NBPF12: variants seen among roughly 807,000 people sequenced by gnomAD.
NBPF12 encodes NBPF family member NBPF12.
Under a neutral mutation model 146.4 loss-of-function variants are expected in NBPF12, and 115 were observed. The observed-to-expected ratio is 0.79, with a 90% CI of 0.68 to 0.92. The LOEUF is 0.92. NBPF12 is among the 40% of genes least tolerant of loss of function. The pLI is 0.00. For missense variants in NBPF12, 1,205 were observed against 1,326.8 expected (o/e 0.91, Z 1.43); for synonymous variants, 385 against 508.9 (o/e 0.76, Z 3.28).
At chr1:146,962,135 G>C in intron 4 of NBPF12, 26 bp from the exon 8 acceptor site, 1 of 1,607,030 alleles carries the variant, frequency 6.2e-7, no homozygotes, top group African/African-American at 1.3e-5. Context: ...CTTCCACTGA[G>C]GCAGGCGTGT....
chr1:146,971,529 C>G, intron 13 of NBPF12, 135 bp downstream of exon 16: 1 of 766,804 alleles, frequency 1.3e-6, no homozygotes, highest in East Asian at 2.8e-5. Flanking sequence ...GTGACTCACA[C>G]ATATAATCAC....
chr1:146,945,137 T>C (rs1425167645), upstream of NBPF12, among the ~76,000 whole-genome samples: 1 of 150,528 alleles, frequency 6.6e-6, no homozygotes, highest in Non-Finnish European at 1.5e-5. Flanking sequence ...CTTTTCTTTT[T>C]CTTTCTCTCT....
chr1:146,981,214 G>A (rs1465322283), intron 19 of NBPF12, among the ~76,000 whole-genome samples: 2 of 136,196 alleles, frequency 1.5e-5, no homozygotes, highest in Non-Finnish European at 3.1e-5. Context: ...ACACCAATGT[G>A]GACATGTATA....
Position 146,963,036 on chromosome 1 carries a change from A to G in NBPF12, c.279-59A>G, listed in dbSNP as rs1655962475. 18 of 1,604,514 alleles carry G rather than the reference A, an allele frequency of 1.1e-5. No homozygotes were observed. The Admixed American group carries it at 2.0e-4, about 18-fold the overall frequency. On this transcript the variant is annotated intron_variant, in intron 5 of 33. Transcript: ENST00000617844. ...TTGTCTCAGAAATCTCTGTTGCAAT[A>G]TTTGAACGGATCACTCAACGCTTTT...
chr1:146,994,553 T>G, exon 34 of NBPF12: 3 of 1,609,622 alleles, frequency 1.9e-6, no homozygotes, highest in Non-Finnish European at 1.7e-6. Context: ...GTCTTCCAGA[T>G]GGGAGTCATA....
At chr1:146,976,228 TGTC>T (rs1239055443) in intron 16 of NBPF12, among the ~76,000 whole-genome samples, 5 of 151,886 alleles carry the variant, frequency 3.3e-5, no homozygotes, top group Non-Finnish European at 5.9e-5. Context: ...GTTCCCAGGC[TGTC>T]TTTTCGGCAA....
rs1402429261 is a variant in NBPF12, at chr1:146,980,249, G to C, written c.2450+1239G>C. ...GGTTTTCTGAGTACAGCGCACCGAT[G>C]GGTCTTGACTCTTTATCCAATTTGC... On this transcript the variant is annotated intron_variant, in intron 19 of 33. Coordinates refer to ENST00000617844, the Ensembl canonical transcript of NBPF12. Among the ~76,000 whole-genome samples the C allele has an allele frequency of 3.3e-5, 5 of 152,138 alleles. No homozygotes were observed. The South Asian group carries it at 8.3e-4, about 25-fold the overall frequency.
Position 146,971,514 on chromosome 1 carries a change from G to A in NBPF12, c.1591+120G>A. On this transcript the variant is annotated intron_variant, in intron 13 of 33. Transcript: ENST00000617844. ...TAGTCAGAAACTAGGATGGAACTAG[G>A]TGCTGTGACTCACACATATAATCAC... 7 of 811,936 alleles carry A rather than the reference G, an allele frequency of 8.6e-6. No individual in the cohort carries two copies. In the South Asian group the frequency reaches 9.1e-5, roughly 11 times the overall value. 50.3% of individuals were successfully genotyped at this position (811,936 alleles called of 1,614,324 possible). A position where few individuals can be genotyped will look rare whatever the true frequency, so the allele number is the denominator to read the frequency against.
Position 146,984,881 on chromosome 1 carries a change from C to G in NBPF12, c.2735C>G (p.Ser912Ter), listed in dbSNP as rs1205915203. The change falls in exon 22 of 34, where the codon TCA becomes TGA. Residue 912 changes from serine to a stop codon, truncating the protein, a stop_gained. Coordinates refer to ENST00000617844, the Ensembl canonical transcript of NBPF12. LOFTEE classifies it high-confidence loss of function. ...CAGGACTCACTGGATAGATGTTATTCAACTCCTTCAGTTTATCTTGGACTG... is the reference window on the plus strand; with the variant it reads ...CAGGACTCACTGGATAGATGTTATTGAACTCCTTCAGTTTATCTTGGACTG... 2 of 1,582,800 alleles carry G rather than the reference C, an allele frequency of 1.3e-6. No homozygotes were observed. Among genetic ancestry groups the G allele is most frequent in the African/African-American group, 1.4e-5 (1 of 73,294 alleles).
At chr1:146,958,134 C>A (rs1320117076) in intron 2 of NBPF12, among the ~76,000 whole-genome samples, 1 of 117,114 alleles carries the variant, frequency 8.5e-6, no homozygotes, top group Non-Finnish European at 1.9e-5. Flanking sequence ...CTATCCCTCC[C>A]CCAGCCCTCA....
At chr1:146,964,615 A>G (rs1656073821) in intron 7 of NBPF12, among the ~76,000 whole-genome samples, 186 bp downstream of exon 10, 1 of 151,896 alleles carries the variant, frequency 6.6e-6, no homozygotes, top group Admixed American at 6.5e-5. Context: ...GCCAAGTGTC[A>G]TGTCTGTACC....
exon 34 of NBPF12, chr1:146,994,585 A>T (rs782786022): frequency 3.1e-6 from 5 of 1,608,062 alleles, no homozygotes; most frequent in East Asian, 4.5e-5. Flanking sequence ...AGCAGCCCTT[A>T]CTAAGCCGAG....
chr1:146,969,792 G>GTCCC (rs1656463424), intron 11 of NBPF12, among the ~76,000 whole-genome samples, 196 bp downstream of exon 14: 1 of 151,328 alleles, frequency 6.6e-6, no homozygotes, highest in Admixed American at 6.6e-5. Context: ...TATTGCAAGT[G>GTCCC]TCCCTCCTTC....
intron 33 of NBPF12, 117 bp from the exon 37 acceptor site, chr1:146,994,215 A>C (rs1553889940): frequency 6.2e-7 from 1 of 1,600,194 alleles, no homozygotes; most frequent in Non-Finnish European, 8.5e-7. Context: ...TTACCTCATT[A>C]ATGGATCTGT....
exon 34 of NBPF12, chr1:146,995,453 A>G (rs1218394097): frequency 8.0e-6 from 1 of 125,432 alleles, no homozygotes; most frequent in Non-Finnish European, 1.7e-5. Flanking sequence ...GAGAAGAGAT[A>G]TTTTGGGTTG....
chr1:146,968,696 CA>C, intron 10 of NBPF12, 146 bp downstream of exon 13: 1 of 727,300 alleles, frequency 1.4e-6, no homozygotes, highest in South Asian at 1.6e-5. Context: ...AAATATTTAT[CA>C]AACAGAGAAG....
chr1:146,966,653 C>A (rs1414587022), exon 9 of NBPF12: 6 of 1,449,118 alleles, frequency 4.1e-6, no homozygotes, highest in African/African-American at 2.9e-5. Context: ...GGCTTCCTGG[C>A]CAAGCAGCAG....
At chr1:146,963,951 A>C (rs1223176903) in intron 6 of NBPF12, among the ~76,000 whole-genome samples, 86,801 of 116,542 alleles carry the variant, frequency 0.74, 32,932 homozygotes, top group East Asian at 0.98. Flanking sequence ...TCTCATGACG[A>C]ATAGAGGACT....
In NBPF12 at chr1:146,958,022, ACATATACACGTG is replaced by A; in HGVS notation, c.-183-1836_-183-1825del. Among the ~76,000 whole-genome samples the A allele has an allele frequency of 4.3e-3, 504 of 118,050 alleles. 14 individuals carry two copies. The highest frequency in any genetic ancestry group is 0.014 in the African/African-American group (481 of 34,906). The allele number at this position is 118,050 out of a possible 152,430, so 77.4% of individuals were successfully genotyped here. On this transcript the variant is annotated intron_variant, in intron 2 of 33. Coordinates refer to ENST00000617844, the Ensembl canonical transcript of NBPF12. ...ATATACATGTGTATATATAAATAAT[ACATATACACGTG>A]TATATATATTATATACATATACACA...
Sources: allele counts gnomAD v4.1 joint callset (sites outside exome capture counted in the v4.1 genomes callset), GRCh38; gene constraint gnomAD v4.1.1; transcripts MANE v1.5; gene names NCBI Gene and HGNC (gene_info 2026-07-23, HGNC 2026-07-21).